Variants in ENOX2 observed in about 807,000 individuals in gnomAD.
ENOX2 encodes APK1 antigen.
Under a neutral mutation model 45.0 loss-of-function variants are expected in ENOX2, and 36 were observed. That is an observed-to-expected ratio of 0.80 (90% CI 0.61 to 1.06). The LOEUF is 1.06. Among genes scored for constraint, ENOX2 ranks in the 50% least tolerant of loss-of-function variants. ENOX2 has a pLI of 0.00. For missense variants in ENOX2, 423 were observed against 462.5 expected (o/e 0.91, Z 0.78); for synonymous variants, 174 against 152.3 (o/e 1.14, Z -1.05).
At chrX:130,668,513 T>C (rs2036896521) in intron 7 of ENOX2, among the ~76,000 whole-genome samples, 1 of 112,045 alleles carries the variant, frequency 8.9e-6, no homozygotes, top group Non-Finnish European at 1.9e-5. Flanking sequence ...TATTCTGTGA[T>C]TAGTTAAGAT....
At chrX:130,648,601 T>C (rs764954660) in intron 10 of ENOX2, among the ~76,000 whole-genome samples, 23 of 111,520 alleles carry the variant, frequency 2.1e-4, no homozygotes, top group African/African-American at 6.2e-4. Context: ...TTGGTTATGA[T>C]TTATTTTTCT....
chrX:130,784,210 C>T (rs2076933783), intron 2 of ENOX2, among the ~76,000 whole-genome samples: 2 of 111,690 alleles, frequency 1.8e-5, no homozygotes, highest in Non-Finnish European at 3.8e-5. Context: ...ATAGAAATTG[C>T]AAGGGGGTTA....
At chrX:130,774,224 C>CTT (rs1274973788) in intron 3 of ENOX2, among the ~76,000 whole-genome samples, 1 of 111,938 alleles carries the variant, frequency 8.9e-6, no homozygotes, top group Non-Finnish European at 1.9e-5. Flanking sequence ...TATAATAGTC[C>CTT]TTTGATACAG....
chrX:130,889,386 C>G (rs1391339982), intron 2 of ENOX2, among the ~76,000 whole-genome samples: 6 of 112,303 alleles, frequency 5.3e-5, no homozygotes, highest in African/African-American at 1.9e-4. Context: ...CATCCTACTT[C>G]TTGTAAGAAG....
chrX:130,686,043 T>A (rs2037440680), intron 5 of ENOX2, among the ~76,000 whole-genome samples: 1 of 111,224 alleles, frequency 9.0e-6, no homozygotes, highest in Non-Finnish European at 1.9e-5. Context: ...ACCGTATGAG[T>A]CCCTGAATCA....
chrX:130,817,701 C>A (rs2077514448), intron 2 of ENOX2, among the ~76,000 whole-genome samples: 1 of 112,000 alleles, frequency 8.9e-6, no homozygotes, highest in East Asian at 2.8e-4. Context: ...AAAAGGTCTT[C>A]CATGAAATTC....
At chrX:130,851,384 C>A (rs1296625791) in intron 2 of ENOX2, among the ~76,000 whole-genome samples, 1 of 111,027 alleles carries the variant, frequency 9.0e-6, no homozygotes, top group Non-Finnish European at 1.9e-5. Flanking sequence ...CCATGCCTGG[C>A]TAATTTTTGT....
chrX:130,696,288 A>C (rs2037757600), intron 4 of ENOX2, among the ~76,000 whole-genome samples: 1 of 111,549 alleles, frequency 9.0e-6, no homozygotes, highest in Admixed American at 9.5e-5. Context: ...TTATTCATTT[A>C]CACTGTGTTC....
chrX:130,631,569 C>G lies in ENOX2; in HGVS notation c.1427G>C (p.Cys476Ser), dbSNP rs761511090. 8 of 1,171,034 alleles carry G rather than the reference C, an allele frequency of 6.8e-6. No homozygotes were observed. The East Asian group carries it at 1.2e-4, about 17-fold the overall frequency. The change falls in exon 13 of 15, where the codon TGT becomes TCT. Residue 476 changes from cysteine to serine, a missense_variant. Coordinates refer to ENST00000394363, the MANE Select transcript of ENOX2 (RefSeq NM_006375.4). The stretch of plus-strand genomic sequence containing the variant: ...GTTTGAGGCACACAGCCTAGAAGCA[C>G]AGCTTTCCTGTGGACACAACATGCT... ...MLENLKEKESCASRLCASNQD... is the reference protein window; with the variant it reads ...MLENLKEKESSASRLCASNQD...
chrX:130,690,138 G>A (rs1330859310), intron 4 of ENOX2, among the ~76,000 whole-genome samples: 1 of 111,371 alleles, frequency 9.0e-6, no homozygotes, highest in Non-Finnish European at 1.9e-5. Context: ...GGGCTTCTCA[G>A]ATGATAATGC....
At chrX:130,893,783 T>C (rs1325337504) in intron 2 of ENOX2, among the ~76,000 whole-genome samples, 1 of 112,164 alleles carries the variant, frequency 8.9e-6, no homozygotes, top group African/African-American at 3.2e-5. Context: ...ATTTCCAACA[T>C]GCTGGTTGCT....
chrX:130,707,641 T>C (rs750749210), intron 3 of ENOX2, among the ~76,000 whole-genome samples: 1 of 111,924 alleles, frequency 8.9e-6, no homozygotes, highest in African/African-American at 3.2e-5. Context: ...CCTTCTCTGA[T>C]GATTTACTCT....
intron 4 of ENOX2, among the ~76,000 whole-genome samples, chrX:130,698,041 T>C (rs1368525086): frequency 2.7e-5 from 3 of 111,657 alleles, no homozygotes; most frequent in Admixed American, 9.5e-5. Context: ...GGGACCTCAA[T>C]ACACAGTCTC....
At position 130,665,714 on chromosome X, in the gene ENOX2, T is replaced by C; in HGVS notation, c.943A>G (p.Lys315Glu). 8.3e-7 allele frequency: 1 copy of C among 1,203,476 alleles called. No homozygotes were observed. The highest frequency in any genetic ancestry group is 1.1e-6 in the Non-Finnish European group (1 of 890,693). ...QIVAVYHSASKQKAWDHFTKA... is the reference protein window; with the variant it reads ...QIVAVYHSASEQKAWDHFTKA... ...GTGAAGTGGTCCCATGCCTTCTGCT[T>C]GGAGGCGGAATGGTACACAGCCACT... The change falls in exon 9 of 15, where the codon AAG becomes GAG. Residue 315 changes from lysine (K) to glutamate (E), a missense_variant. This residue lies in a region of ENOX2 where 261 missense variants were observed against 306.8 expected (regional missense o/e 0.85). Transcript: ENST00000394363.
intron 3 of ENOX2, among the ~76,000 whole-genome samples, chrX:130,762,490 G>C (rs754271977): frequency 8.9e-6 from 1 of 111,923 alleles, no homozygotes; most frequent in East Asian, 2.8e-4. Flanking sequence ...GGTGAAGTGG[G>C]AGGATTCCCT....
At chrX:130,775,439 C>G (rs2039834612) in intron 3 of ENOX2, among the ~76,000 whole-genome samples, 1 of 111,154 alleles carries the variant, frequency 9.0e-6, no homozygotes, top group African/African-American at 3.3e-5. Flanking sequence ...ATGGCCTATC[C>G]TGTGCATTCT....
chrX:130,798,679 C>A (rs1418115990), intron 2 of ENOX2, among the ~76,000 whole-genome samples: 1 of 112,307 alleles, frequency 8.9e-6, no homozygotes, highest in Non-Finnish European at 1.9e-5. Flanking sequence ...TAAAATACTT[C>A]AGAAATATTG....
chrX:130,847,968 A>C (rs991461505), intron 2 of ENOX2, among the ~76,000 whole-genome samples: 11 of 111,813 alleles, frequency 9.8e-5, no homozygotes, highest in African/African-American at 3.3e-4. Flanking sequence ...GTCATCTACT[A>C]TCTGGAAAAT....
chrX:130,635,402 A>G (rs1481282603), intron 11 of ENOX2, among the ~76,000 whole-genome samples: 2 of 111,896 alleles, frequency 1.8e-5, no homozygotes, highest in Non-Finnish European at 3.8e-5. Context: ...TGTGTGGGCA[A>G]TGTTTTGATT....
Sources: gnomAD v4.1 joint callset for allele counts (sites outside exome capture counted in the v4.1 genomes callset) on GRCh38, gnomAD v4.1.1 for gene constraint, gnomAD v4.1.1 regional missense constraint, MANE v1.5 for transcripts, NCBI Gene and HGNC (gene_info 2026-07-23, HGNC 2026-07-21) for gene names.